Variants in CDC42BPA observed in about 807,000 individuals in gnomAD.
The protein encoded by CDC42BPA is CDC42 binding protein kinase alpha.
A neutral mutation model predicts 223.5 loss-of-function variants in CDC42BPA; 80 were observed. The observed-to-expected ratio is 0.36, with a 90% CI of 0.30 to 0.43. The LOEUF is 0.43. Among genes scored for constraint, CDC42BPA ranks in the 20% least tolerant of loss-of-function variants. The probability of loss-of-function intolerance (pLI) is 1.00; values close to 1 mark genes in which losing one functional copy is unlikely to be tolerated. For missense variants in CDC42BPA, 1,743 were observed against 2,099.9 expected (o/e 0.83, Z 3.32); for synonymous variants, 694 against 718.6 (o/e 0.97, Z 0.55).
intron 1 of CDC42BPA, among the ~76,000 whole-genome samples, chr1:227,255,654 T>C (rs1419823454): frequency 1.3e-5 from 2 of 152,152 alleles, no homozygotes; most frequent in East Asian, 3.8e-4. Flanking sequence ...ATCCTGTCTC[T>C]TAAAAAGCAG....
At position 226,994,859 on chromosome 1, in the gene CDC42BPA, T is replaced by A. The variant is rs1661300104; in HGVS notation, c.5097A>T (p.Gln1699His). 6.2e-7 allele frequency: 1 copy of A among 1,613,758 alleles called. No homozygotes were observed. The highest frequency in any genetic ancestry group is 1.3e-5 in the African/African-American group (1 of 74,906). ...AGTCCCTCGCTGGGGCATCACTTCC[T>A]TGGTCCATGCCTCCAGAGGACAAAG... ...EGSLSSGGMD[Q>H]GSDAPARDFD... The change falls in exon 36 of 37, where the codon CAA becomes CAT. Residue 1699 changes from glutamine (Q) to histidine (H), a missense_variant. By Grantham distance (24) the Gln-to-His change is conservative. Transcript: ENST00000366766. This position sits in a 1 kb window ranked among gnomAD's most constrained non-coding sequence, Gnocchi z 4.0.
At chr1:227,142,305 GGGTCAGTGAAAGGATGGTAGAATT>G (rs1293015876) in intron 9 of CDC42BPA, among the ~76,000 whole-genome samples, 4 of 150,878 alleles carry the variant, frequency 2.7e-5, no homozygotes, top group African/African-American at 1.0e-4. Flanking sequence ...AGTGAAGTGA[GGGTCAGTGAAAGGATGGTAGAATT>G]AATGGGTTGA....
At chr1:227,226,880 T>C (rs2813971) in intron 2 of CDC42BPA, among the ~76,000 whole-genome samples, 7,688 of 152,086 alleles carry the variant, frequency 0.051, 426 homozygotes, top group East Asian at 0.25. Context: ...AATCTAAGGA[T>C]GAACAGAATA....
At chr1:227,261,527 A>C (rs1684067979) in intron 1 of CDC42BPA, among the ~76,000 whole-genome samples, 1 of 145,354 alleles carries the variant, frequency 6.9e-6, no homozygotes, top group South Asian at 2.1e-4. Flanking sequence ...AGAAATGCTA[A>C]ATAAAACAAA....
intron 2 of CDC42BPA, among the ~76,000 whole-genome samples, chr1:227,253,072 G>A (rs1682305030): frequency 6.6e-6 from 1 of 152,116 alleles, no homozygotes; most frequent in Non-Finnish European, 1.5e-5. Flanking sequence ...ATAAATGGAA[G>A]AATATACCAC....
chr1:227,063,578 C>G (rs1321693166), intron 21 of CDC42BPA, among the ~76,000 whole-genome samples: 1 of 151,728 alleles, frequency 6.6e-6, no homozygotes, highest in Non-Finnish European at 1.5e-5. Flanking sequence ...AATATATTGC[C>G]TAAGTTGAGG....
intron 1 of CDC42BPA, among the ~76,000 whole-genome samples, chr1:227,303,021 T>C (rs1374103164): frequency 1.7e-3 from 253 of 148,650 alleles, no homozygotes; most frequent in Non-Finnish European, 3.3e-3. Flanking sequence ...TTTTTTTTTT[T>C]CGAAGTTATG....
chr1:227,251,318 A>C (rs73096355), intron 2 of CDC42BPA, among the ~76,000 whole-genome samples: 31,840 of 151,996 alleles, frequency 0.21, 3,711 homozygotes, highest in African/African-American at 0.28. Flanking sequence ...CCAGGGGAAC[A>C]CATAAAAGAA....
At position 227,101,336 on chromosome 1, in the gene CDC42BPA, C is replaced by T. The variant is rs909405442; in HGVS notation, c.2002-97G>A. ...ATATAAATGAGTATTCATATAACTG[C>T]ATTTTTTGTACATCCTAACAAAAAT... On this transcript the variant is annotated intron_variant, in intron 14 of 36. Transcript: ENST00000366766. The T allele has an allele frequency of 3.9e-5, 27 of 685,856 alleles. No individual in the cohort carries two copies. The African/African-American group carries it at 4.4e-4, about 11-fold the overall frequency. The allele number at this position is 685,856 out of a possible 1,614,324, so 42.5% of individuals were successfully genotyped here. A position where few individuals can be genotyped will look rare whatever the true frequency, so the allele number is the denominator to read the frequency against.
intron 1 of CDC42BPA, among the ~76,000 whole-genome samples, chr1:227,261,594 G>T (rs1243286630): frequency 1.4e-5 from 2 of 144,398 alleles, no homozygotes; most frequent in Non-Finnish European, 2.9e-5. Flanking sequence ...GAAAGGAAGA[G>T]AAATCCCCAA....
Position 226,994,293 on chromosome 1 carries a change from G to A in CDC42BPA, c.5240C>T (p.Thr1747Ile), listed in dbSNP as rs1484328843. 11 of 1,591,348 alleles carry A rather than the reference G, an allele frequency of 6.9e-6. No homozygotes were observed. The highest frequency in any genetic ancestry group is 2.7e-5 in the African/African-American group (2 of 74,552). ...TCACGGGTCCCAGCTCCCGCGGTCA[G>A]TGCTCTCCAGGGAGAGGCTCTTGGT... ...RKTKSLSLES[T>I]DRGSWDP The change falls in exon 37 of 37, where the codon ACT (threonine) becomes ATT (isoleucine). Residue 1747 changes from threonine (T) to isoleucine (I), a missense_variant. Around this residue, in one of 6 missense-constraint regions of CDC42BPA, gnomAD observed 200 missense variants for 192.8 expected, o/e 1.04. Transcript: ENST00000366766. The surrounding 1 kb of genome is among the most constrained non-coding windows in gnomAD (Gnocchi z 4.0).
chr1:227,015,690 A>G (rs924693312), intron 34 of CDC42BPA, among the ~76,000 whole-genome samples: 39 of 151,210 alleles, frequency 2.6e-4, no homozygotes, highest in African/African-American at 8.7e-4. Flanking sequence ...GGGAAGAAGG[A>G]AAAAAAAAGA....
chr1:227,016,041 C>T (rs1325930228), intron 34 of CDC42BPA, 39 bp downstream of exon 34: 1 of 1,055,476 alleles, frequency 9.5e-7, no homozygotes, highest in Non-Finnish European at 1.5e-6. Context: ...ACTCCCCCCA[C>T]ACCCGCCCTT....
chr1:227,271,697 C>T (rs1685981412), intron 1 of CDC42BPA, among the ~76,000 whole-genome samples: 1 of 151,938 alleles, frequency 6.6e-6, no homozygotes, highest in Non-Finnish European at 1.5e-5. Context: ...TAAATTCACC[C>T]AAAAAAAGTC....
chr1:227,241,405 G>C (rs781379444), intron 2 of CDC42BPA, among the ~76,000 whole-genome samples: 5 of 151,982 alleles, frequency 3.3e-5, no homozygotes, highest in Non-Finnish European at 7.4e-5. Flanking sequence ...ATTCATATCA[G>C]CTTTATTTCT....
At chr1:227,148,366 A>T (rs1409967665) in intron 6 of CDC42BPA, among the ~76,000 whole-genome samples, 1 of 152,196 alleles carries the variant, frequency 6.6e-6, no homozygotes, top group Non-Finnish European at 1.5e-5. Context: ...ACTTTGAAGT[A>T]AAAGAATATT....
chr1:227,253,530 A>G (rs1250149882), intron 2 of CDC42BPA, among the ~76,000 whole-genome samples: 1 of 149,426 alleles, frequency 6.7e-6, no homozygotes, highest in Non-Finnish European at 1.5e-5. Flanking sequence ...CGGGAGGTGG[A>G]GGTTGTAGTG....
intron 11 of CDC42BPA, among the ~76,000 whole-genome samples, chr1:227,123,404 T>C (rs1487540098): frequency 1.3e-5 from 2 of 152,184 alleles, no homozygotes; most frequent in Admixed American, 1.3e-4. Flanking sequence ...TTGTTAGTAA[T>C]GAGGACTTAA....
At chr1:227,092,531 T>C (rs1196811261) in intron 15 of CDC42BPA, among the ~76,000 whole-genome samples, 1 of 152,222 alleles carries the variant, frequency 6.6e-6, no homozygotes, top group Non-Finnish European at 1.5e-5. Context: ...CCAAATTAGA[T>C]ACTTTTCTTT....
Sources: allele counts gnomAD v4.1 joint callset (sites outside exome capture counted in the v4.1 genomes callset), GRCh38; gene constraint gnomAD v4.1.1; regional missense constraint gnomAD v4.1.1; non-coding constraint Gnocchi (gnomAD v3.1); transcripts MANE v1.5; gene names NCBI Gene and HGNC (gene_info 2026-07-23, HGNC 2026-07-21).